The following PXDNL variants were observed in gnomAD, a reference collection of about 807,000 sequenced individuals.
The protein encoded by PXDNL is peroxidasin like.
PXDNL carries 145 observed loss-of-function variants against 150.8 expected under a neutral mutation model. The observed-to-expected ratio is 0.96, with a 90% CI of 0.84 to 1.10. The LOEUF is 1.10. PXDNL is among the 50% of genes least tolerant of loss of function. The pLI, the probability that PXDNL is intolerant of heterozygous loss-of-function variation, is 0.00. For missense variants in PXDNL, 2,087 were observed against 1,873.9 expected (o/e 1.11, Z -2.10); for synonymous variants, 757 against 725.7 (o/e 1.04, Z -0.69).
intron 8 of PXDNL, among the ~76,000 whole-genome samples, chr8:51,459,481 C>T (rs1810015324): frequency 2.6e-5 from 4 of 152,152 alleles, no homozygotes; most frequent in Admixed American, 2.6e-4. Flanking sequence ...CATCTGGCTA[C>T]ACAATGCAAT....
At chr8:51,737,444 C>G (rs1470180423) in intron 1 of PXDNL, among the ~76,000 whole-genome samples, 1 of 152,238 alleles carries the variant, frequency 6.6e-6, no homozygotes. Flanking sequence ...TCAGGTGCAG[C>G]CTGGTACCCA....
chr8:51,547,440 T>G (rs1405808565), intron 4 of PXDNL, among the ~76,000 whole-genome samples: 1 of 152,106 alleles, frequency 6.6e-6, no homozygotes, highest in Non-Finnish European at 1.5e-5. Context: ...AGAGTCCACT[T>G]CACTTCCCCA....
intron 10 of PXDNL, among the ~76,000 whole-genome samples, chr8:51,453,308 G>A (rs1437907647): frequency 6.6e-6 from 1 of 152,148 alleles, no homozygotes; most frequent in Admixed American, 6.5e-5. Flanking sequence ...GCTAATGGTT[G>A]AGTCTGACCT....
Position 51,555,627 on chromosome 8 carries a change from G to C in PXDNL, c.380+1213C>G, listed in dbSNP as rs991822859. On this transcript the variant is annotated intron_variant, in intron 4 of 22. Transcript: ENST00000356297. ...AAACTAAGAAACCACATTGAATATG[G>C]AAACAAATTTCAGGATCAAAAGCTT... is the stretch of plus-strand genomic sequence containing the variant. 2.6e-5 allele frequency among the ~76,000 whole-genome samples: 4 copies of C among 152,012 alleles called. No homozygotes were observed. In the East Asian group the frequency reaches 7.7e-4, roughly 29 times the overall value.
chr8:51,492,509 G>A lies in PXDNL; in HGVS notation c.452+7190C>T, dbSNP rs370221039. Among the ~76,000 whole-genome samples, 172 of 152,298 alleles carry A rather than the reference G, an allele frequency of 1.1e-3. 1 individual carries two copies. Among genetic ancestry groups the A allele is most frequent in the African/African-American group, 3.8e-3 (157 of 41,568 alleles). ...CATCACCTCACCCAGAAAGCTCAAGGGGTCAGGGAATTCCCTTTCCTAGTC... is the reference window on the plus strand; with the variant it reads ...CATCACCTCACCCAGAAAGCTCAAGAGGTCAGGGAATTCCCTTTCCTAGTC... On this transcript the variant is annotated intron_variant, in intron 5 of 22. Coordinates refer to ENST00000356297, the MANE Select transcript of PXDNL (RefSeq NM_144651.5).
At chr8:51,328,719 A>T (rs563684616) in intron 21 of PXDNL, among the ~76,000 whole-genome samples, 1 of 152,286 alleles carries the variant, frequency 6.6e-6, no homozygotes, top group East Asian at 1.9e-4. Flanking sequence ...AGCATGACAA[A>T]CTACTAGGTG....
intron 1 of PXDNL, among the ~76,000 whole-genome samples, chr8:51,779,456 C>T (rs2037388986): frequency 6.6e-6 from 1 of 152,210 alleles, no homozygotes; most frequent in Non-Finnish European, 1.5e-5. Flanking sequence ...GGAATCAAAA[C>T]AGGCCCAGTG....
intron 8 of PXDNL, among the ~76,000 whole-genome samples, chr8:51,464,553 C>G (rs1215390856): frequency 6.6e-6 from 1 of 152,116 alleles, no homozygotes; most frequent in South Asian, 2.1e-4. Context: ...ACAATTCCCA[C>G]AGAAATACAA....
At chr8:51,650,323 G>A (rs1472128953) in intron 2 of PXDNL, among the ~76,000 whole-genome samples, 1 of 152,070 alleles carries the variant, frequency 6.6e-6, no homozygotes, top group Non-Finnish European at 1.5e-5. Context: ...CTAATTGGAA[G>A]TTTCCTTTGA....
At chr8:51,360,618 C>T (rs1583197) in intron 19 of PXDNL, among the ~76,000 whole-genome samples, 35,965 of 151,968 alleles carry the variant, frequency 0.24, 4,400 homozygotes, top group Middle Eastern at 0.32. Flanking sequence ...AGGTTTAGAC[C>T]AAAGCTACTT....
At chr8:51,575,296 AT>A (rs1440541377) in intron 3 of PXDNL, among the ~76,000 whole-genome samples, 2 of 152,214 alleles carry the variant, frequency 1.3e-5, no homozygotes, top group South Asian at 4.1e-4. Context: ...ATTCTAAAAA[AT>A]GTACAAGTAA....
intron 1 of PXDNL, among the ~76,000 whole-genome samples, chr8:51,808,340 CTTTTA>C (rs752892355): frequency 9.7e-4 from 148 of 152,130 alleles, no homozygotes; most frequent in African/African-American, 1.8e-3. Flanking sequence ...TCCTTTTCTT[CTTTTA>C]TTTTTTCTTA....
At chr8:51,537,499 C>T (rs1476522012) in intron 4 of PXDNL, among the ~76,000 whole-genome samples, 1 of 152,174 alleles carries the variant, frequency 6.6e-6, no homozygotes, top group Non-Finnish European at 1.5e-5. Context: ...CTGCTTGAAG[C>T]TGGACATGAG....
intron 12 of PXDNL, among the ~76,000 whole-genome samples, chr8:51,427,907 C>T (rs1563408189): frequency 6.6e-6 from 1 of 152,048 alleles, no homozygotes; most frequent in Non-Finnish European, 1.5e-5. Context: ...ACATAGAAAG[C>T]AAACAGAATG....
At chr8:51,419,707 G>A (rs73579697) in intron 14 of PXDNL, among the ~76,000 whole-genome samples, 2 of 152,094 alleles carry the variant, frequency 1.3e-5, no homozygotes, top group East Asian at 1.9e-4. Context: ...ATAATATAGG[G>A]AGTGTTACAG....
At chr8:51,542,014 C>T (rs1258497034) in intron 4 of PXDNL, among the ~76,000 whole-genome samples, 2 of 152,106 alleles carry the variant, frequency 1.3e-5, no homozygotes, top group Admixed American at 6.6e-5. Context: ...ATCAAAGGTG[C>T]TTTTTGTACT....
At chr8:51,657,587 C>T (rs1815176165) in intron 1 of PXDNL, among the ~76,000 whole-genome samples, 1 of 152,186 alleles carries the variant, frequency 6.6e-6, no homozygotes, top group Non-Finnish European at 1.5e-5. Flanking sequence ...AATAAATATG[C>T]ATGCATGTCT....
chr8:51,649,988 A>C (rs899296811), intron 2 of PXDNL, among the ~76,000 whole-genome samples: 1 of 151,824 alleles, frequency 6.6e-6, no homozygotes, highest in Non-Finnish European at 1.5e-5. Flanking sequence ...CTGTAATCCC[A>C]GCTAGTTGGG....
chr8:51,589,594 A>T (rs188277815), intron 3 of PXDNL, among the ~76,000 whole-genome samples: 4 of 152,326 alleles, frequency 2.6e-5, no homozygotes, highest in African/African-American at 9.6e-5. Flanking sequence ...TCACCCTGTT[A>T]CACAGTTGCA....
Sources: gnomAD v4.1 joint callset for allele counts (sites outside exome capture counted in the v4.1 genomes callset) on GRCh38, gnomAD v4.1.1 for gene constraint, MANE v1.5 for transcripts, NCBI Gene and HGNC (gene_info 2026-07-23, HGNC 2026-07-21) for gene names.